The following GIGYF2 variants were observed in gnomAD, a reference collection of about 807,000 sequenced individuals.
GIGYF2 encodes the protein GRB10 interacting GYF protein 2, also known as GRB10-interacting GYF protein 2.
A neutral mutation model predicts 208.1 loss-of-function variants in GIGYF2; 25 were observed. The observed-to-expected ratio is 0.12, with a 90% CI of 0.09 to 0.17. GIGYF2 has a LOEUF of 0.17. Among genes scored for constraint, GIGYF2 ranks in the 10% least tolerant of loss-of-function variants. The pLI is 1.00. For missense variants in GIGYF2, 1,302 were observed against 1,579.4 expected (o/e 0.82, Z 2.98); for synonymous variants, 534 against 543.8 (o/e 0.98, Z 0.25).
rs1311617543 is a variant in GIGYF2 at position 232,858,111 on chromosome 2, C to A, written c.*1251C>A. The A allele has an allele frequency of 2.5e-5, 5 of 200,042 alleles. No individual in the cohort carries two copies. The highest frequency in any genetic ancestry group is 5.0e-5 in the Non-Finnish European group (5 of 99,072). 12.4% of individuals were successfully genotyped at this position (200,042 alleles called of 1,614,324 possible). ...AATGTACTCAAGCCCTATTTATAAA[C>A]AAATACTTTTCCTGCCTCCACCAAA... is the stretch of plus-strand genomic sequence containing the variant. On this transcript the variant is annotated 3_prime_UTR_variant, in exon 29 of 29. Coordinates refer to ENST00000373563, the MANE Select transcript of GIGYF2 (RefSeq NM_001103146.3).
intron 2 of GIGYF2, among the ~76,000 whole-genome samples, chr2:232,707,751 C>T (rs1430706560): frequency 2.6e-5 from 4 of 151,554 alleles, no homozygotes; most frequent in East Asian, 1.9e-4. Context: ...GATTTTCCTG[C>T]CTCAGCCTCC....
At chr2:232,799,568 A>C (rs1254199861) in intron 14 of GIGYF2, among the ~76,000 whole-genome samples, 3 of 150,736 alleles carry the variant, frequency 2.0e-5, no homozygotes, top group African/African-American at 7.3e-5. Flanking sequence ...TAATAATAAT[A>C]ATAATAATAA....
In GIGYF2 at chr2:232,839,813, T is replaced by G. The variant is rs1043655784; in HGVS notation, c.2767-36T>G. 7 of 1,612,354 alleles carry G rather than the reference T, an allele frequency of 4.3e-6. No homozygotes were observed. The African/African-American group carries it at 9.3e-5, about 22-fold the overall frequency. On this transcript the variant is annotated intron_variant, in intron 22 of 28. Coordinates refer to ENST00000373563, the MANE Select transcript of GIGYF2 (RefSeq NM_001103146.3). ...TGCTTCTTTGTTTCCTGTCCACATT[T>G]CCTCATGAACTTTCTGGCCTTCCCT...
intron 3 of GIGYF2, among the ~76,000 whole-genome samples, chr2:232,739,451 T>C (rs1697885732): frequency 7.0e-6 from 1 of 142,778 alleles, no homozygotes; most frequent in South Asian, 2.2e-4. Flanking sequence ...GGCATGAGGA[T>C]CACTTGAGCC....
rs1690658293 is a variant in GIGYF2, at chr2:232,858,546, A to C, written c.*1686A>C. 1 of 456,376 alleles carries C rather than the reference A, an allele frequency of 2.2e-6. No homozygotes were observed. Among genetic ancestry groups the C allele is most frequent in the Non-Finnish European group, 4.4e-6 (1 of 226,800 alleles). 28.3% of individuals were successfully genotyped at this position (456,376 alleles called of 1,614,324 possible). A position where few individuals can be genotyped will look rare whatever the true frequency, so the allele number is the denominator to read the frequency against. On this transcript the variant is annotated 3_prime_UTR_variant, in exon 29 of 29. Coordinates refer to ENST00000373563, the MANE Select transcript of GIGYF2 (RefSeq NM_001103146.3). ...GGTAAGAGGGATAGTTAAAATGTTTACAAAACTTTAGGCTCCCTCGGAACT... is the reference window on the plus strand; with the variant it reads ...GGTAAGAGGGATAGTTAAAATGTTTCCAAAACTTTAGGCTCCCTCGGAACT...
In GIGYF2 at chr2:232,812,510, C is replaced by G. The variant is rs767024743; in HGVS notation, c.2107+19C>G. The G allele has an allele frequency of 5.7e-6, 5 of 878,758 alleles. No individual in the cohort carries two copies. Among genetic ancestry groups the G allele is most frequent in the Non-Finnish European group, 9.8e-6 (5 of 510,310 alleles). The allele number at this position is 878,758 out of a possible 1,614,324, so 54.4% of individuals were successfully genotyped here. ...CCTACAGGTAAAAACTTAGATTAAC[C>G]TTTAGTACCACTCTGAGGATTCAGA... On this transcript the variant is annotated intron_variant, in intron 18 of 28. Coordinates refer to ENST00000373563, the MANE Select transcript of GIGYF2 (RefSeq NM_001103146.3).
chr2:232,760,638 C>CT, intron 7 of GIGYF2, 47 bp downstream of exon 7: 1 of 1,299,088 alleles, frequency 7.7e-7, no homozygotes, highest in South Asian at 1.2e-5. Flanking sequence ...GCATATAAAA[C>CT]TTATATTTTT....
intron 5 of GIGYF2, among the ~76,000 whole-genome samples, chr2:232,750,493 A>G (rs1174342886): frequency 6.6e-6 from 1 of 152,204 alleles, no homozygotes; most frequent in Non-Finnish European, 1.5e-5. Context: ...CTTTTAATAC[A>G]AGTGATACGG....
At chr2:232,800,589 CTTTTTTTTTTTTT>C (rs1266694685) in intron 14 of GIGYF2, among the ~76,000 whole-genome samples, 30 of 61,252 alleles carry the variant, frequency 4.9e-4, no homozygotes, top group African/African-American at 1.3e-3. Flanking sequence ...TTCTTTTTTT[CTTTTTTTTTTTTT>C]AAGACCGGGT....
chr2:232,726,831 C>T (rs1336707335), intron 2 of GIGYF2, among the ~76,000 whole-genome samples: 3 of 152,102 alleles, frequency 2.0e-5, no homozygotes, highest in African/African-American at 7.2e-5. Context: ...TCATTATGCA[C>T]TAAGCAACTG....
At chr2:232,714,979 G>T (rs1357184845) in intron 2 of GIGYF2, among the ~76,000 whole-genome samples, 1 of 152,082 alleles carries the variant, frequency 6.6e-6, no homozygotes, top group African/African-American at 2.4e-5. Flanking sequence ...TGGTTTCCCT[G>T]TGTGTCCATG....
intron 1 of GIGYF2, among the ~76,000 whole-genome samples, chr2:232,698,496 A>AG (rs1695706006): frequency 6.6e-6 from 1 of 152,080 alleles, no homozygotes. Context: ...TAGAAAAAAA[A>AG]ATTCTGTCAT....
At chr2:232,761,482 G>T in intron 8 of GIGYF2, 46 bp downstream of exon 8, 1 of 1,184,222 alleles carries the variant, frequency 8.4e-7, no homozygotes, top group South Asian at 1.2e-5. Context: ...ATTAAAAATT[G>T]ACTCAGTTAC....
intron 21 of GIGYF2, among the ~76,000 whole-genome samples, chr2:232,832,536 C>T (rs564196130): frequency 1.3e-5 from 2 of 152,324 alleles, no homozygotes; most frequent in South Asian, 4.2e-4. Flanking sequence ...AAGGCCTGCT[C>T]ACCTCACATG....
intron 2 of GIGYF2, among the ~76,000 whole-genome samples, chr2:232,731,438 A>G (rs1697491580): frequency 6.6e-6 from 1 of 152,226 alleles, no homozygotes; most frequent in Non-Finnish European, 1.5e-5. Context: ...TACGGGTTTG[A>G]GTTTAAAACA....
chr2:232,733,345 A>AG (rs1433043283), intron 2 of GIGYF2, among the ~76,000 whole-genome samples: 69 of 151,878 alleles, frequency 4.5e-4, no homozygotes, highest in Non-Finnish European at 2.6e-4. Flanking sequence ...GTGGGGGAGC[A>AG]GGGAGTCAGG....
intron 2 of GIGYF2, among the ~76,000 whole-genome samples, chr2:232,710,692 CT>C (rs35154227): frequency 0.35 from 40,303 of 113,834 alleles, 5,626 homozygotes; most frequent in South Asian, 0.57. Context: ...TCTTGGTGTT[CT>C]TTTTTTTTTT....
intron 2 of GIGYF2, among the ~76,000 whole-genome samples, chr2:232,711,104 A>AT (rs71398741): frequency 0.31 from 45,234 of 144,010 alleles, 7,252 homozygotes; most frequent in South Asian, 0.61. Flanking sequence ...TTATTTGTTA[A>AT]TTTTTTTTTT....
rs1700728502 is a variant in GIGYF2 at position 232,811,336 on chromosome 2, A to G, written c.1991A>G (p.Gln664Arg). 1 of 1,586,966 alleles carries G rather than the reference A, an allele frequency of 6.3e-7. No homozygotes were observed. ...TTGGCACTTCTTCTTCAACAGTTTC[A>G]GACCTTGAAGATGAGGTTGGTGGTC... ...QQLALLLQQFQTLKMRISDQN... is the reference protein window; with the variant it reads ...QQLALLLQQFRTLKMRISDQN... Residue 664 changes from glutamine to arginine, a missense_variant, in exon 17 of 29, where the codon CAG (glutamine) becomes CGG (arginine). Around this residue, in one of 8 missense-constraint regions of GIGYF2, gnomAD observed 701 missense variants for 793.0 expected, o/e 0.88. Coordinates refer to ENST00000373563, the MANE Select transcript of GIGYF2 (RefSeq NM_001103146.3).
Sources: gnomAD v4.1 joint callset for allele counts (sites outside exome capture counted in the v4.1 genomes callset) on GRCh38, gnomAD v4.1.1 for gene constraint, gnomAD v4.1.1 regional missense constraint, MANE v1.5 for transcripts, NCBI Gene and HGNC (gene_info 2026-07-23, HGNC 2026-07-21) for gene names.